Variants in HDAC8 observed in about 807,000 individuals in gnomAD.
HDAC8 encodes the protein histone deacetylase-like 1.
Under a neutral mutation model 32.2 loss-of-function variants are expected in HDAC8, and 1 was observed. The observed-to-expected ratio is 0.03, with a 90% confidence interval of 0.01 to 0.15. The LOEUF (loss-of-function observed/expected upper bound fraction) is 0.15. HDAC8 is among the 10% of genes least tolerant of loss of function. HDAC8 has a pLI of 1.00. For missense variants in HDAC8, 117 were observed against 300.0 expected (o/e 0.39, Z 4.51); for synonymous variants, 108 against 113.9 (o/e 0.95, Z 0.33).
intron 10 of HDAC8, among the ~76,000 whole-genome samples, chrX:72,335,134 C>T (rs1454492782): frequency 8.9e-6 from 1 of 112,293 alleles, no homozygotes; most frequent in Non-Finnish European, 1.9e-5. Flanking sequence ...CTATTATTAA[C>T]ATCTTGCATT....
At chrX:72,524,901 AT>A (rs1305584402) in intron 4 of HDAC8, among the ~76,000 whole-genome samples, 2 of 111,421 alleles carry the variant, frequency 1.8e-5, no homozygotes, top group Non-Finnish European at 3.8e-5. Flanking sequence ...TACATGATAC[AT>A]TATACCACCA....
At chrX:72,534,552 T>C (rs1331930475) in intron 4 of HDAC8, among the ~76,000 whole-genome samples, 1 of 111,034 alleles carries the variant, frequency 9.0e-6, no homozygotes, top group East Asian at 2.8e-4. Context: ...CAAGTGATCC[T>C]ACTGCTTGGG....
chrX:72,386,911 A>T (rs782553699), intron 9 of HDAC8, among the ~76,000 whole-genome samples: 12 of 112,156 alleles, frequency 1.1e-4, no homozygotes, highest in Non-Finnish European at 2.3e-4. Context: ...ACAACTGTGC[A>T]GTTGTTGCCC....
intron 4 of HDAC8, among the ~76,000 whole-genome samples, chrX:72,529,985 A>C (rs905102731): frequency 4.5e-5 from 5 of 112,185 alleles, no homozygotes; most frequent in African/African-American, 1.6e-4. Flanking sequence ...CCCTCTGCCA[A>C]GACTGTAAGT....
chrX:72,494,849 G>A (rs2048973503), intron 5 of HDAC8, among the ~76,000 whole-genome samples: 1 of 111,387 alleles, frequency 9.0e-6, no homozygotes, highest in African/African-American at 3.3e-5. Context: ...AGAATGAATG[G>A]AAATGACCTG....
intron 7 of HDAC8, among the ~76,000 whole-genome samples, chrX:72,483,545 G>A (rs1209576663): frequency 9.0e-6 from 1 of 111,443 alleles, no homozygotes. Flanking sequence ...ACAGTCCGCA[G>A]AACTGTGAGC....
At chrX:72,350,457 C>T (rs2044146452) in intron 10 of HDAC8, among the ~76,000 whole-genome samples, 1 of 111,287 alleles carries the variant, frequency 9.0e-6, no homozygotes, top group Admixed American at 9.6e-5. Context: ...CTAACTCCAG[C>T]ATAGAACAGG....
intron 9 of HDAC8, among the ~76,000 whole-genome samples, chrX:72,385,734 C>A (rs1555961221): frequency 8.9e-6 from 1 of 111,853 alleles, no homozygotes; most frequent in African/African-American, 3.3e-5. Flanking sequence ...TTAATCCACA[C>A]AACAACCCTA....
chrX:72,530,706 T>A, intron 4 of HDAC8, among the ~76,000 whole-genome samples: 1 of 111,400 alleles, frequency 9.0e-6, no homozygotes. Context: ...TCTACCTACC[T>A]ACCTACCTAC....
In HDAC8 at chrX:72,538,185, CT is replaced by C. The variant is rs782378380; in HGVS notation, c.437+29703del. Among the ~76,000 whole-genome samples, 392 of 95,492 alleles carry C rather than the reference CT, an allele frequency of 4.1e-3. 1 individual carries two copies. Among genetic ancestry groups the C allele is most frequent in the African/African-American group, 0.011 (284 of 26,594 alleles). 82.9% of individuals were successfully genotyped at this position (95,492 alleles called of 115,157 possible). ...TCTCTTAGCCCTTGGTTTTGTTTTTCTTTTTTTTTTTTTTTGGAGATGAAGT... is the reference window on the plus strand; with the variant it reads ...TCTCTTAGCCCTTGGTTTTGTTTTTCTTTTTTTTTTTTTTGGAGATGAAGT... On this transcript the variant is annotated intron_variant, in intron 4 of 10. Coordinates refer to ENST00000373573, the MANE Select transcript of HDAC8 (RefSeq NM_018486.3).
chrX:72,426,592 G>A (rs1351369534), intron 9 of HDAC8, among the ~76,000 whole-genome samples: 1 of 111,913 alleles, frequency 8.9e-6, no homozygotes, highest in Non-Finnish European at 1.9e-5. Context: ...TAGCATATAT[G>A]AGTATATACA....
chrX:72,420,709 T>C (rs1262282600), intron 9 of HDAC8, among the ~76,000 whole-genome samples: 2 of 112,084 alleles, frequency 1.8e-5, no homozygotes, highest in African/African-American at 6.5e-5. Context: ...AATTGATCAG[T>C]ACATAACGTC....
At chrX:72,330,132 C>A in intron 10 of HDAC8, 56 bp from the exon 11 acceptor site, 4 of 990,925 alleles carry the variant, frequency 4.0e-6, no homozygotes, top group Non-Finnish European at 5.7e-6. Flanking sequence ...TGAATTATAC[C>A]CCAATAGAGC....
chrX:72,469,883 C>T (rs975535683), intron 7 of HDAC8, among the ~76,000 whole-genome samples: 6 of 110,885 alleles, frequency 5.4e-5, no homozygotes, highest in Non-Finnish European at 1.1e-4. Flanking sequence ...GTCACGGTGG[C>T]TCATACCTGT....
At chrX:72,389,922 T>TG (rs1230839498) in intron 9 of HDAC8, among the ~76,000 whole-genome samples, 12 of 111,693 alleles carry the variant, frequency 1.1e-4, no homozygotes, top group Middle Eastern at 4.2e-3. Context: ...GAGGGTACCA[T>TG]GGGGGGCAGG....
intron 4 of HDAC8, among the ~76,000 whole-genome samples, chrX:72,545,010 G>A (rs1158065385): frequency 9.0e-6 from 1 of 111,189 alleles, no homozygotes; most frequent in African/African-American, 3.3e-5. Flanking sequence ...AGGGGCGGTC[G>A]CTCTGTCTCT....
chrX:72,393,416 T>C (rs987891962), intron 9 of HDAC8, among the ~76,000 whole-genome samples: 24 of 112,264 alleles, frequency 2.1e-4, no homozygotes, highest in Admixed American at 8.5e-4. Flanking sequence ...ACAAACCCTT[T>C]GTGCTTTCCT....
chrX:72,513,236 C>T (rs577024944), intron 4 of HDAC8, among the ~76,000 whole-genome samples: 3 of 112,349 alleles, frequency 2.7e-5, no homozygotes, highest in Middle Eastern at 4.6e-3. Context: ...CACTAGACTA[C>T]ATACTCTTGG....
chrX:72,334,438 G>A (rs1703139969), intron 10 of HDAC8, among the ~76,000 whole-genome samples: 1 of 111,857 alleles, frequency 8.9e-6, no homozygotes, highest in Admixed American at 9.5e-5. Context: ...ACTTGGCCTA[G>A]AGTAAGAGAT....
Sources: gnomAD v4.1 joint callset for allele counts (sites outside exome capture counted in the v4.1 genomes callset) on GRCh38, gnomAD v4.1.1 for gene constraint, MANE v1.5 for transcripts, NCBI Gene and HGNC (gene_info 2026-07-23, HGNC 2026-07-21) for gene names.